Variants in CFAP299 observed in about 807,000 individuals in gnomAD.
The protein encoded by CFAP299 is cilia and flagella associated protein 299.
A neutral mutation model predicts 27.0 loss-of-function variants in CFAP299; 21 were observed. The ratio of observed to expected loss-of-function variants is 0.78; its 90% confidence interval spans 0.55 to 1.12. CFAP299 has a LOEUF of 1.12. CFAP299 is among the 50% of genes most tolerant of loss of function. The pLI, the probability that CFAP299 is intolerant of heterozygous loss-of-function variation, is 0.00. For missense variants in CFAP299, 310 were observed against 276.6 expected, an observed-to-expected ratio of 1.12 and a Z score of -0.86; for synonymous variants, 104 against 98.1, an observed-to-expected ratio of 1.06 and a Z score of -0.36.
chr4:80,506,946 C>G (rs531938344), intron 2 of CFAP299, among the ~76,000 whole-genome samples: 11 of 152,272 alleles, frequency 7.2e-5, no homozygotes, highest in African/African-American at 2.4e-4. Flanking sequence ...GAACTAAAGT[C>G]TATCTAACAA....
At chr4:80,901,073 C>T (rs1021912367) in intron 4 of CFAP299, among the ~76,000 whole-genome samples, 1 of 152,068 alleles carries the variant, frequency 6.6e-6, no homozygotes. Context: ...CATAACTCAT[C>T]ACCATAGTAA....
intron 3 of CFAP299, among the ~76,000 whole-genome samples, chr4:80,662,916 T>A (rs1039328601): frequency 1.4e-4 from 21 of 152,160 alleles, no homozygotes; most frequent in Admixed American, 1.1e-3. Flanking sequence ...AAAAGCCTCA[T>A]GAGATTAGCA....
intron 3 of CFAP299, among the ~76,000 whole-genome samples, chr4:80,801,006 G>A (rs1430023363): frequency 6.6e-6 from 1 of 151,284 alleles, no homozygotes; most frequent in Non-Finnish European, 1.5e-5. Flanking sequence ...TTATATACTG[G>A]CTGCCCTGAC....
At chr4:80,553,361 A>G (rs75667935) in intron 2 of CFAP299, among the ~76,000 whole-genome samples, 107 of 152,330 alleles carry the variant, frequency 7.0e-4, no homozygotes, top group African/African-American at 2.5e-3. Context: ...TCCTGGGTGT[A>G]TAGGTACCAA....
chr4:80,765,437 T>C (rs1237185720), intron 3 of CFAP299, among the ~76,000 whole-genome samples: 1 of 152,026 alleles, frequency 6.6e-6, no homozygotes, highest in African/African-American at 2.4e-5. Flanking sequence ...ACAATGCTAC[T>C]AAGGATGAGC....
At chr4:80,329,075 T>C in the CFAP299 span, among the ~76,000 whole-genome samples, 1 of 151,854 alleles carries the variant, frequency 6.6e-6, no homozygotes, top group Non-Finnish European at 1.5e-5. Context: ...TAAGATTTCT[T>C]TTTTTGCGAT....
intron 3 of CFAP299, among the ~76,000 whole-genome samples, chr4:80,767,631 A>C (rs1201523122): frequency 6.6e-6 from 1 of 152,178 alleles, no homozygotes; most frequent in Non-Finnish European, 1.5e-5. Context: ...AAAATAAAAA[A>C]ATAAAACCTT....
At chr4:80,547,745 G>T (rs1734309108) in intron 2 of CFAP299, among the ~76,000 whole-genome samples, 1 of 151,880 alleles carries the variant, frequency 6.6e-6, no homozygotes, top group African/African-American at 2.4e-5. Context: ...CAAAGAAAAA[G>T]ACATACAAAC....
At chr4:80,356,675 A>G (rs1723295844) in intron 1 of CFAP299, among the ~76,000 whole-genome samples, 1 of 152,054 alleles carries the variant, frequency 6.6e-6, no homozygotes, top group South Asian at 2.1e-4. Context: ...TGATTTCTGT[A>G]CATTGATTCT....
At chr4:80,944,593 A>T (rs971985466) in intron 4 of CFAP299, among the ~76,000 whole-genome samples, 1 of 152,190 alleles carries the variant, frequency 6.6e-6, no homozygotes, top group African/African-American at 2.4e-5. Context: ...CCAGAAAATC[A>T]TGCAAAAGCA....
chr4:80,842,075 G>A (rs1276322211), intron 3 of CFAP299, among the ~76,000 whole-genome samples: 1 of 151,832 alleles, frequency 6.6e-6, no homozygotes, highest in East Asian at 1.9e-4. Flanking sequence ...AGTGTAGAAT[G>A]AATGGGGTGG....
chr4:80,839,734 GA>G (rs879916064), intron 3 of CFAP299, among the ~76,000 whole-genome samples: 163 of 139,180 alleles, frequency 1.2e-3, no homozygotes, highest in Middle Eastern at 7.6e-3. Context: ...AAACTTCTTT[GA>G]AAAAAAAAAA....
intron 2 of CFAP299, among the ~76,000 whole-genome samples, chr4:80,423,469 T>G (rs922069562): frequency 3.9e-5 from 6 of 152,178 alleles, no homozygotes; most frequent in Non-Finnish European, 7.3e-5. Context: ...TTCTAAGTCC[T>G]CATTTTGTTC....
At chr4:80,561,975 T>C (rs907141915) in intron 2 of CFAP299, among the ~76,000 whole-genome samples, 6 of 152,054 alleles carry the variant, frequency 3.9e-5, no homozygotes, top group Non-Finnish European at 8.8e-5. Flanking sequence ...TGGTAAGATA[T>C]AAATAAAAAC....
intron 3 of CFAP299, among the ~76,000 whole-genome samples, chr4:80,856,603 G>A (rs34150373): frequency 2.0e-5 from 3 of 150,930 alleles, no homozygotes; most frequent in South Asian, 4.2e-4. Flanking sequence ...AAGGGATCGA[G>A]TTTCAGCTTT....
intron 2 of CFAP299, among the ~76,000 whole-genome samples, chr4:80,527,686 A>G (rs544807013): frequency 5.3e-5 from 8 of 152,100 alleles, no homozygotes; most frequent in Admixed American, 2.0e-4. Flanking sequence ...TCTCACCTTT[A>G]TACTTCTATT....
At chr4:80,518,520 G>A (rs1178467417) in intron 2 of CFAP299, among the ~76,000 whole-genome samples, 2 of 152,098 alleles carry the variant, frequency 1.3e-5, no homozygotes, top group Non-Finnish European at 2.9e-5. Flanking sequence ...TACAGTAAAG[G>A]TGCTCAGAAT....
chr4:80,860,054 A>G (rs1261695110), intron 3 of CFAP299, among the ~76,000 whole-genome samples: 1 of 152,176 alleles, frequency 6.6e-6, no homozygotes, highest in Non-Finnish European at 1.5e-5. Context: ...ACACCAATCA[A>G]ACGTAGATTT....
chr4:80,505,323 C>G (rs990428431), intron 2 of CFAP299, among the ~76,000 whole-genome samples: 2 of 152,016 alleles, frequency 1.3e-5, no homozygotes, highest in Non-Finnish European at 2.9e-5. Flanking sequence ...GAAAAAGGAA[C>G]TAACTTGGTA....
Sources: allele counts gnomAD v4.1 joint callset (sites outside exome capture counted in the v4.1 genomes callset), GRCh38; gene constraint gnomAD v4.1.1; transcripts MANE v1.5; gene names NCBI Gene and HGNC (gene_info 2026-07-23, HGNC 2026-07-21).